The following SOCS3 variants were observed in gnomAD, a reference collection of about 807,000 sequenced individuals.
SOCS3 encodes suppressor of cytokine signaling 3, also known as STAT-induced STAT inhibitor 3.
SOCS3 carries 5 observed loss-of-function variants against 11.7 expected under a neutral mutation model. The ratio of observed to expected loss-of-function variants is 0.43; its 90% CI spans 0.22 to 0.90. SOCS3 has a LOEUF of 0.90. Ranked by LOEUF, SOCS3 falls within the 40% of genes least tolerant of loss-of-function variation. The pLI, the probability that SOCS3 is intolerant of heterozygous loss-of-function variation, is 0.27. For synonymous variants in SOCS3, 143 were observed against 136.3 expected, an observed-to-expected ratio of 1.05 and a Z score of -0.34; for missense variants, 203 against 302.0, an observed-to-expected ratio of 0.67 and a Z score of 2.43.
At position 78,358,733 on chromosome 17, in the gene SOCS3, G is replaced by A; in HGVS notation, c.363C>T (p.Leu121=). The part of the protein sequence containing the change: ...TQPVPRFDCV[L]KLVHHYMPPP... ...GCGGCATGTAGTGGTGCACCAGCTT[G>A]AGCACGCAGTCGAAGCGGGGCACGG... is the stretch of plus-strand genomic sequence containing the variant. Residue 121 remains leucine (L), a synonymous_variant, in exon 2 of 2, where the codon CTC becomes CTT. Transcript: ENST00000330871. This position sits in a 1 kb window ranked among gnomAD's most constrained non-coding sequence, Gnocchi z 4.7. The A allele has an allele frequency of 1.9e-6, 3 of 1,612,292 alleles. No individual in the cohort carries two copies. The highest frequency in any genetic ancestry group is 2.5e-6 in the Non-Finnish European group (3 of 1,179,564).
rs2081571262 is a variant in SOCS3 at position 78,356,842 on chromosome 17, T to C, written c.*1576A>G. On this transcript the variant is annotated 3_prime_UTR_variant, in exon 2 of 2. Coordinates refer to ENST00000330871, the MANE Select transcript of SOCS3 (RefSeq NM_003955.5). The surrounding 1 kb of genome is among the most constrained non-coding windows in gnomAD (Gnocchi z 6.1). ...GAAATGTTTCTTTTCTGAATATAAA[T>C]ATAAATATGTGCAAAGTTTGACTTG... is the stretch of plus-strand genomic sequence containing the variant. 1 of 152,586 alleles carries C rather than the reference T, an allele frequency of 6.6e-6. No individual in the cohort carries two copies. Among genetic ancestry groups the C allele is most frequent in the Non-Finnish European group, 1.5e-5 (1 of 68,040 alleles). 9.5% of individuals were successfully genotyped at this position (152,586 alleles called of 1,614,324 possible). A position where few individuals can be genotyped will look rare whatever the true frequency, so the allele number is the denominator to read the frequency against.
Position 78,358,165 on chromosome 17 carries a change from C to T in SOCS3, c.*253G>A, listed in dbSNP as rs146211210. On this transcript the variant is annotated 3_prime_UTR_variant, in exon 2 of 2. Coordinates refer to ENST00000330871, the MANE Select transcript of SOCS3 (RefSeq NM_003955.5). This position sits in a 1 kb window ranked among gnomAD's most constrained non-coding sequence, Gnocchi z 4.7. ...AGGAGAATCCACTTGTGGTTGCTAT[C>T]GTCCCACCAGGACAGCTGGCTCCTC... 6.0e-6 allele frequency: 3 copies of T among 504,126 alleles called. No homozygotes were observed. The highest frequency in any genetic ancestry group is 3.4e-5 in the Admixed American group (1 of 29,762). The allele number at this position is 504,126 out of a possible 1,614,324, so 31.2% of individuals were successfully genotyped here.
In SOCS3 at chr17:78,359,898, C is replaced by G. The variant is rs2081598036; in HGVS notation, c.-237G>C. 6.2e-6 allele frequency: 1 copy of G among 162,014 alleles called. No individual in the cohort carries two copies. The highest frequency in any genetic ancestry group is 2.0e-4 in the South Asian group (1 of 4,896). 10.0% of individuals were successfully genotyped at this position (162,014 alleles called of 1,614,324 possible). A position where few individuals can be genotyped will look rare whatever the true frequency, so the allele number is the denominator to read the frequency against. On this transcript the variant is annotated 5_prime_UTR_variant, in exon 1 of 2. Coordinates refer to ENST00000330871, the MANE Select transcript of SOCS3 (RefSeq NM_003955.5). ...CAAAGGAGCCTTCGCGCGCGCGTCC[C>G]TCGAGCTTCCCCTGGGCGCCCGCCC... is the stretch of plus-strand genomic sequence containing the variant.
chr17:78,359,002 G>T lies in SOCS3; in HGVS notation c.94C>A (p.Gln32Lys). Residue 32 changes from glutamine to lysine, a missense_variant, in exon 2 of 2, where the codon CAG becomes AAG. Physicochemically the swap from Gln to Lys is moderately conservative, Grantham distance 53. Around this residue, in one of 3 missense-constraint regions of SOCS3, gnomAD observed 57 missense variants for 74.2 expected, o/e 0.77. Transcript: ENST00000330871. Reference protein sequence around the residue: ...LKTFSSKSEYQLVVNAVRKLQ... With the variant: ...LKTFSSKSEYKLVVNAVRKLQ... ...TTGCGCACTGCGTTCACCACCAGCT[G>T]GTACTCGCTCTTGGAGCTGAAGGTC... The T allele has an allele frequency of 2.5e-6, 4 of 1,575,906 alleles. No individual in the cohort carries two copies. Among genetic ancestry groups the T allele is most frequent in the Non-Finnish European group, 3.4e-6 (4 of 1,159,842 alleles).
At position 78,358,529 on chromosome 17, in the gene SOCS3, A is replaced by G. The variant is rs777084096; in HGVS notation, c.567T>C (p.Leu189=). The G allele has an allele frequency of 2.5e-6, 4 of 1,613,444 alleles. No individual in the cohort carries two copies. In the African/African-American group the frequency reaches 4.0e-5, roughly 16 times the overall value. The change falls in exon 2 of 2, where the codon CTT becomes CTC. Residue 189 remains leucine (L), a synonymous_variant. Coordinates refer to ENST00000330871, the MANE Select transcript of SOCS3 (RefSeq NM_003955.5). The surrounding 1 kb of genome is among the most constrained non-coding windows in gnomAD (Gnocchi z 4.7). ...SRPLSSNVAT[L]QHLCRKTVNG... ...TGACGGTCTTCCGACAGAGATGCTG[A>G]AGAGTGGCCACGTTGGAGGAGAGGG... is the stretch of plus-strand genomic sequence containing the variant.
chr17:78,358,441 C>T lies in SOCS3; in HGVS notation c.655G>A (p.Asp219Asn). 1.2e-6 allele frequency: 2 copies of T among 1,613,722 alleles called. No individual in the cohort carries two copies. Among genetic ancestry groups the T allele is most frequent in the Non-Finnish European group, 1.7e-6 (2 of 1,180,010 alleles). The change falls in exon 2 of 2, where the codon GAC becomes AAC. Residue 219 changes from aspartate (D) to asparagine (N), a missense_variant. Asp to Asn is a conservative substitution (Grantham distance 23). Coordinates refer to ENST00000330871, the MANE Select transcript of SOCS3 (RefSeq NM_003955.5). This position sits in a 1 kb window ranked among gnomAD's most constrained non-coding sequence, Gnocchi z 4.7. Reference protein sequence around the residue: ...QLPGPIREFLDQYDAPL With the variant: ...QLPGPIREFLNQYDAPL ...CCTTAAAGCGGGGCATCGTACTGGT[C>T]CAGGAACTCCCGAATGGGCCCCGGC... is the stretch of plus-strand genomic sequence containing the variant.
In SOCS3 at chr17:78,358,356, G is replaced by T; in HGVS notation, c.*62C>A. 6.5e-7 allele frequency: 1 copy of T among 1,543,922 alleles called. No individual in the cohort carries two copies. Among genetic ancestry groups the T allele is most frequent in the Non-Finnish European group, 8.9e-7 (1 of 1,120,494 alleles). The stretch of plus-strand genomic sequence containing the variant: ...TTGGCTTCTTGTGCTTGTGCCATGT[G>T]CCACGGAGGAGAGGGGCCTGCGTCC... On this transcript the variant is annotated 3_prime_UTR_variant, in exon 2 of 2. Coordinates refer to ENST00000330871, the MANE Select transcript of SOCS3 (RefSeq NM_003955.5). The surrounding 1 kb of genome is among the most constrained non-coding windows in gnomAD (Gnocchi z 4.7).
rs1180748260 is a variant in SOCS3 at position 78,359,751 on chromosome 17, T to G, written c.-90A>C. ...CCACGCCGCGCTCCTCCTTCCTACC[T>G]GGTCCCGAATCGAAGTCTCCGTCCT... is the stretch of plus-strand genomic sequence containing the variant. On this transcript the variant is annotated splice_region_variant and 5_prime_UTR_variant, in exon 1 of 2. Coordinates refer to ENST00000330871, the MANE Select transcript of SOCS3 (RefSeq NM_003955.5). 1 of 152,990 alleles carries G rather than the reference T, an allele frequency of 6.5e-6. No homozygotes were observed. The highest frequency in any genetic ancestry group is 1.5e-5 in the Non-Finnish European group (1 of 68,530). 9.5% of individuals were successfully genotyped at this position (152,990 alleles called of 1,614,324 possible). A position where few individuals can be genotyped will look rare whatever the true frequency, so the allele number is the denominator to read the frequency against.
chr17:78,358,436 C>T lies in SOCS3; in HGVS notation c.660G>A (p.Gln220=), dbSNP rs1016514720. The change falls in exon 2 of 2, where the codon CAG becomes CAA. Residue 220 remains glutamine (Q), a synonymous_variant. Transcript: ENST00000330871. This position sits in a 1 kb window ranked among gnomAD's most constrained non-coding sequence, Gnocchi z 4.7. ...LPGPIREFLD[Q]YDAPL is the part of the protein sequence containing the mutation. Reference sequence around the variant, plus strand: ...TTACCCCTTAAAGCGGGGCATCGTACTGGTCCAGGAACTCCCGAATGGGCC... The same window carrying T: ...TTACCCCTTAAAGCGGGGCATCGTATTGGTCCAGGAACTCCCGAATGGGCC... 6.2e-7 allele frequency: 1 copy of T among 1,613,608 alleles called. No individual in the cohort carries two copies. Among genetic ancestry groups the T allele is most frequent in the African/African-American group, 1.3e-5 (1 of 74,894 alleles).
At position 78,359,186 on chromosome 17, in the gene SOCS3, G is replaced by C; in HGVS notation, c.-88-3C>G. 1 of 1,373,538 alleles carries C rather than the reference G, an allele frequency of 7.3e-7. No homozygotes were observed. The allele number at this position is 1,373,538 out of a possible 1,614,324, so 85.1% of individuals were successfully genotyped here. On this transcript the variant is annotated splice_region_variant and splice_polypyrimidine_tract_variant and intron_variant, in intron 1 of 1. Coordinates refer to ENST00000330871, the MANE Select transcript of SOCS3 (RefSeq NM_003955.5). ...GGCCGCTACCGCATCCCGGGGGGCT[G>C]CGGAGAGGAAGGCGCGAGCGCGTTG...
rs566417772 is a variant in SOCS3, at chr17:78,358,877, G to A, written c.219C>T (p.Ser73=). 1.9e-6 allele frequency: 3 copies of A among 1,611,764 alleles called. No individual in the cohort carries two copies. The Admixed American group carries it at 5.0e-5, about 27-fold the overall frequency. The part of the protein sequence containing the change: ...EPAGTFLIRD[S]SDQRHFFTLS... ...GCGTGAAGAAGTGGCGCTGGTCCGA[G>A]CTGTCGCGGATCAGAAAGGTGCCGG... Residue 73 remains serine, a synonymous_variant, in exon 2 of 2, where the codon AGC becomes AGT. Coordinates refer to ENST00000330871, the MANE Select transcript of SOCS3 (RefSeq NM_003955.5). This position sits in a 1 kb window ranked among gnomAD's most constrained non-coding sequence, Gnocchi z 4.7.
chr17:78,359,569 C>T (rs1434534504), intron 1 of SOCS3, among the ~76,000 whole-genome samples, 181 bp downstream of exon 1: 1 of 152,126 alleles, frequency 6.6e-6, no homozygotes, highest in Non-Finnish European at 1.5e-5. Context: ...AGGGAGGGGA[C>T]AGGAGAAGCC....
rs764458856 is a variant in SOCS3, at chr17:78,359,024, G to A, written c.72C>T (p.Thr24=). Residue 24 remains threonine (T), a synonymous_variant, in exon 2 of 2, where the codon ACC becomes ACT. Coordinates refer to ENST00000330871, the MANE Select transcript of SOCS3 (RefSeq NM_003955.5). The part of the protein sequence containing the change: ...RPLDTSLRLK[T]FSSKSEYQLV... ...GCTGGTACTCGCTCTTGGAGCTGAA[G>A]GTCTTGAGGCGCAGGCTGGTGTCCA... 4.4e-6 allele frequency: 7 copies of A among 1,575,424 alleles called. No homozygotes were observed. Among genetic ancestry groups the A allele is most frequent in the Non-Finnish European group, 6.0e-6 (7 of 1,159,714 alleles).
At chr17:78,360,233 G>A (rs2145993768), upstream of SOCS3, among the ~76,000 whole-genome samples, 1 of 150,992 alleles carries the variant, frequency 6.6e-6, no homozygotes, top group South Asian at 2.1e-4. The surrounding 1 kb of genome is among the most constrained non-coding windows in gnomAD (Gnocchi z 5.6). Context: ...CGGGCGCCGA[G>A]GGCGGGCCGC....
At position 78,358,309 on chromosome 17, in the gene SOCS3, G is replaced by C. The variant is rs369952516; in HGVS notation, c.*109C>G. ...GGCCTGTCCGCCCTCTTTCCCCCCAGAGCTACAGGACTCTCTCCTGGTTGG... is the reference window on the plus strand; with the variant it reads ...GGCCTGTCCGCCCTCTTTCCCCCCACAGCTACAGGACTCTCTCCTGGTTGG... On this transcript the variant is annotated 3_prime_UTR_variant, in exon 2 of 2. Coordinates refer to ENST00000330871, the MANE Select transcript of SOCS3 (RefSeq NM_003955.5). The surrounding 1 kb of genome is among the most constrained non-coding windows in gnomAD (Gnocchi z 4.7). 6.9e-4 allele frequency: 722 copies of C among 1,040,100 alleles called. 6 individuals are homozygous for C. The African/African-American group carries it at 0.01, about 15-fold the overall frequency. The allele number at this position is 1,040,100 out of a possible 1,614,324, so 64.4% of individuals were successfully genotyped here.
Position 78,358,962 on chromosome 17 carries a change from C to G in SOCS3, c.134G>C (p.Gly45Ala). ...GCCGGTCACTGCGCTCCAGTAGAAG[C>G]CGCTCTCCTGCAGCTTGCGCACTGC... ...VNAVRKLQES[G>A]FYWSAVTGGE... is the part of the protein sequence containing the mutation. The change falls in exon 2 of 2, where the codon GGC becomes GCC. Residue 45 changes from glycine (G) to alanine (A), a missense_variant. Around this residue, in one of 3 missense-constraint regions of SOCS3, gnomAD observed 57 missense variants for 74.2 expected, o/e 0.77. Transcript: ENST00000330871. The surrounding 1 kb of genome is among the most constrained non-coding windows in gnomAD (Gnocchi z 4.7). 1 of 1,584,946 alleles carries G rather than the reference C, an allele frequency of 6.3e-7. No individual in the cohort carries two copies. The highest frequency in any genetic ancestry group is 8.6e-7 in the Non-Finnish European group (1 of 1,166,438).
At chr17:78,360,412 C>G (rs1271965968), upstream of SOCS3, 3 of 140,626 alleles carry the variant, frequency 2.1e-5, no homozygotes, top group Admixed American at 1.4e-4. This position sits in a 1 kb window ranked among gnomAD's most constrained non-coding sequence, Gnocchi z 5.6. Context: ...CCCCCACCCC[C>G]CTCCCTTCTA....
chr17:78,360,008 G>T lies in SOCS3; in HGVS notation c.-347C>A. 1 of 204,202 alleles carries T rather than the reference G, an allele frequency of 4.9e-6. No homozygotes were observed. Among genetic ancestry groups the T allele is most frequent in the South Asian group, 1.7e-4 (1 of 5,784 alleles). 12.6% of individuals were successfully genotyped at this position (204,202 alleles called of 1,614,324 possible). A position where few individuals can be genotyped will look rare whatever the true frequency, so the allele number is the denominator to read the frequency against. ...GGCCGCGGCGGGAGCTGGGCCGGGC[G>T]GGCGGCTGGCGGCTGGCTGCGTGCG... On this transcript the variant is annotated 5_prime_UTR_variant, in exon 1 of 2. Transcript: ENST00000330871. This position sits in a 1 kb window ranked among gnomAD's most constrained non-coding sequence, Gnocchi z 5.6.
rs2081584288 is a variant in SOCS3, at chr17:78,358,425, G to A, written c.671C>T (p.Pro224Leu). ...CTTTGCGCCCTTTACCCCTTAAAGC[G>A]GGGCATCGTACTGGTCCAGGAACTC... is the stretch of plus-strand genomic sequence containing the variant. Reference protein sequence around the residue: ...IREFLDQYDAPL With the variant: ...IREFLDQYDALL Residue 224 changes from proline (P) to leucine (L), a missense_variant, in exon 2 of 2, where the codon CCG (proline) becomes CTG (leucine). Pro to Leu is a moderately conservative substitution (Grantham distance 98). This residue lies in a region of SOCS3 where 141 missense variants were observed against 200.5 expected (regional missense o/e 0.70). Transcript: ENST00000330871. The surrounding 1 kb of genome is among the most constrained non-coding windows in gnomAD (Gnocchi z 4.7). 6.2e-7 allele frequency: 1 copy of A among 1,613,572 alleles called. No individual in the cohort carries two copies. The highest frequency in any genetic ancestry group is 8.5e-7 in the Non-Finnish European group (1 of 1,179,974).
Sources: gnomAD v4.1 joint callset for allele counts (sites outside exome capture counted in the v4.1 genomes callset) on GRCh38, gnomAD v4.1.1 for gene constraint, gnomAD v4.1.1 regional missense constraint, Gnocchi (gnomAD v3.1) non-coding constraint, MANE v1.5 for transcripts, NCBI Gene and HGNC (gene_info 2026-07-23, HGNC 2026-07-21) for gene names.